Variants in UTY observed in about 807,000 individuals in gnomAD.
UTY encodes the protein ubiquitously transcribed tetratricopeptide repeat containing, Y-linked.
A neutral mutation model predicts 32.5 loss-of-function variants in UTY; 12 were observed. The observed-to-expected ratio is 0.37, with a 90% confidence interval of 0.24 to 0.60. The LOEUF (loss-of-function observed/expected upper bound fraction) is 0.60, where lower values mean the gene tolerates loss of function less well. Among genes scored for constraint, UTY ranks in the 20% least tolerant of loss-of-function variants. UTY has a pLI of 0.69. For missense variants in UTY, 303 were observed against 299.2 expected, an observed-to-expected ratio of 1.01 and a Z score of -0.09; for synonymous variants, 131 against 103.4, an observed-to-expected ratio of 1.27 and a Z score of -1.62.
chrY:13,344,289 A>T (rs2061733384), intron 17 of UTY, among the ~76,000 whole-genome samples: 2 of 34,162 alleles, frequency 5.9e-5, no homozygotes, highest in Admixed American at 5.2e-4. Flanking sequence ...AGGAACACAT[A>T]TGGGAAAAAC....
At chrY:13,270,923 T>TA (rs2056264294) in intron 27 of UTY, among the ~76,000 whole-genome samples, 3 of 32,498 alleles carry the variant, frequency 9.2e-5, no homozygotes, top group South Asian at 7.0e-4. Flanking sequence ...TTACCAAAAA[T>TA]AAAAAAAATT....
chrY:13,389,196 T>C (rs2067247622), intron 8 of UTY, among the ~76,000 whole-genome samples: 1 of 33,084 alleles, frequency 3.0e-5, no homozygotes, highest in Non-Finnish European at 7.4e-5. Flanking sequence ...AGGTTACTTT[T>C]TGGTTACTAA....
At chrY:13,321,251 G>C in intron 21 of UTY, among the ~76,000 whole-genome samples, 1 of 33,348 alleles carries the variant, frequency 3.0e-5, no homozygotes, top group African/African-American at 1.2e-4. Flanking sequence ...AAGAAAAAAT[G>C]TTTCAAAAAC....
chrY:13,323,493 T>C, intron 21 of UTY, 62 bp downstream of exon 21: 1 of 281,429 alleles, frequency 3.6e-6, no homozygotes, highest in Non-Finnish European at 5.6e-6. Context: ...ACAATAATTA[T>C]GAAAGTAATA....
intron 23 of UTY, chrY:13,305,834 C>G: frequency 1.5e-5 from 1 of 66,326 alleles, no homozygotes; most frequent in Non-Finnish European, 2.3e-5. Context: ...AGAAGAATAA[C>G]ATTCTAATTG....
chrY:13,413,378 C>T (rs2071203395), intron 5 of UTY, among the ~76,000 whole-genome samples: 1 of 34,097 alleles, frequency 2.9e-5, no homozygotes, highest in Non-Finnish European at 7.3e-5. Context: ...TGACAGGAAG[C>T]AGCAGGGTGC....
chrY:13,336,454 T>A, intron 17 of UTY, 119 bp from the exon 18 acceptor site: 1 of 172,332 alleles, frequency 5.8e-6, no homozygotes, highest in Admixed American at 1.2e-4. Flanking sequence ...TTGTGTAACA[T>A]AATTGAAGCC....
intron 3 of UTY, among the ~76,000 whole-genome samples, chrY:13,450,007 A>G: frequency 3.0e-5 from 1 of 33,512 alleles, no homozygotes; most frequent in Non-Finnish European, 7.4e-5. Context: ...GGGTAAGCCT[A>G]TTGAGGAAAT....
intron 27 of UTY, among the ~76,000 whole-genome samples, chrY:13,291,584 T>C: frequency 9.2e-5 from 3 of 32,442 alleles, no homozygotes; most frequent in Non-Finnish European, 1.5e-4. Flanking sequence ...TCAGGAAAAA[T>C]AGCTAATGCA....
intron 21 of UTY, among the ~76,000 whole-genome samples, chrY:13,307,799 C>A: frequency 3.0e-5 from 1 of 32,996 alleles, no homozygotes; most frequent in Non-Finnish European, 7.4e-5. Context: ...AGAAAATATA[C>A]CCATTAACAA....
intron 21 of UTY, among the ~76,000 whole-genome samples, chrY:13,311,359 A>G (rs778774060): frequency 0.021 from 657 of 31,990 alleles, no homozygotes; most frequent in Middle Eastern, 0.042. Flanking sequence ...ACTTTGGGAG[A>G]CCGAGGCGGG....
intron 5 of UTY, among the ~76,000 whole-genome samples, chrY:13,413,015 G>C: frequency 3.0e-5 from 1 of 33,102 alleles, no homozygotes; most frequent in Non-Finnish European, 7.4e-5. Context: ...GTGACCCAGA[G>C]TGAGAACTTC....
At position 13,411,286 on chromosome Y, in the gene UTY, TG is replaced by T. The variant is rs200130496; in HGVS notation, c.435-174del. Among the ~76,000 whole-genome samples, 59 of 33,735 alleles carry T rather than the reference TG, an allele frequency of 1.7e-3. No homozygotes were observed. In the East Asian group the frequency reaches 0.044, roughly 25 times the overall value. 90.5% of individuals were successfully genotyped at this position (33,735 alleles called of 37,273 possible). On this transcript the variant is annotated intron_variant, in intron 5 of 29. Transcript: ENST00000545955. ...GGGATAAGAAAGTGCATAATCCTTT[TG>T]TTCTCAATTCCGTCAACTATTCAAA...
In UTY at chrY:13,248,955, T is replaced by C. The variant is rs2053993390; in HGVS notation, c.*901A>G. The C allele has an allele frequency of 2.6e-5, 1 of 38,674 alleles. No homozygotes were observed. The highest frequency in any genetic ancestry group is 1.1e-4 in the African/African-American group (1 of 8,911). The allele number at this position is 38,674 out of a possible 400,897, so 9.6% of individuals were successfully genotyped here. ...ATGTGTGTACACATACACACACATA[T>C]AAAATACATATAATCATTAGGTTTG... is the stretch of plus-strand genomic sequence containing the variant. On this transcript the variant is annotated 3_prime_UTR_variant, in exon 30 of 30. Transcript: ENST00000545955.
chrY:13,329,877 C>G (rs900326726), intron 18 of UTY, among the ~76,000 whole-genome samples: 1 of 33,588 alleles, frequency 3.0e-5, no homozygotes, highest in Non-Finnish European at 7.4e-5. Flanking sequence ...CTGCATTCTC[C>G]GTGCATTTCC....
intron 8 of UTY, among the ~76,000 whole-genome samples, 153 bp from the exon 9 acceptor site, chrY:13,369,502 GATA>G (rs2064676732): frequency 3.1e-5 from 1 of 32,224 alleles, no homozygotes; most frequent in Non-Finnish European, 7.6e-5. Flanking sequence ...TTATAAATGT[GATA>G]ATAAAAAATA....
intron 18 of UTY, among the ~76,000 whole-genome samples, chrY:13,327,505 CTT>C (rs2060328883): frequency 1.2e-4 from 4 of 33,167 alleles, no homozygotes. Flanking sequence ...GGTGTATAAC[CTT>C]TTTAAACAAC....
chrY:13,347,333 T>C (rs771536324), intron 17 of UTY, among the ~76,000 whole-genome samples: 90 of 33,369 alleles, frequency 2.7e-3, no homozygotes, highest in African/African-American at 5.2e-3. Context: ...CATGTTTTTC[T>C]CAAGACTTAA....
intron 13 of UTY, 55 bp downstream of exon 13, chrY:13,359,033 G>GA (rs764207628): frequency 1.1e-4 from 24 of 226,439 alleles, no homozygotes; most frequent in East Asian, 3.0e-4. Context: ...ACTGAAGAGT[G>GA]AAAAAAAAAA....
Sources: allele counts gnomAD v4.1 joint callset (sites outside exome capture counted in the v4.1 genomes callset), GRCh38; gene constraint gnomAD v4.1.1; transcripts MANE v1.5; gene names NCBI Gene and HGNC (gene_info 2026-07-23, HGNC 2026-07-21).